The following AIG1 variants were observed in gnomAD, a reference collection of about 807,000 sequenced individuals.
AIG1 encodes androgen induced 1.
A neutral mutation model predicts 31.4 loss-of-function variants in AIG1; 23 were observed. The ratio of observed to expected loss-of-function variants is 0.73; its 90% CI spans 0.53 to 1.04. The LOEUF is 1.04. AIG1 is among the 50% of genes least tolerant of loss of function. The pLI, the probability that AIG1 is intolerant of heterozygous loss-of-function variation, is 0.00. For synonymous variants in AIG1, 100 were observed against 110.5 expected (o/e 0.90, Z 0.60); for missense variants, 274 against 295.0 (o/e 0.93, Z 0.52).
intron 1 of AIG1, among the ~76,000 whole-genome samples, chr6:143,108,559 C>T (rs1046483874): frequency 2.0e-5 from 3 of 152,128 alleles, no homozygotes; most frequent in Non-Finnish European, 4.4e-5. Context: ...GGGATGGGGC[C>T]CAGAATCTGG....
At chr6:143,239,232 C>T (rs1794039872) in intron 3 of AIG1, among the ~76,000 whole-genome samples, 1 of 151,990 alleles carries the variant, frequency 6.6e-6, no homozygotes, top group Non-Finnish European at 1.5e-5. Flanking sequence ...GGTGTGGCCC[C>T]TGAAGGAATA....
At chr6:143,262,242 C>A (rs1300445900) in intron 3 of AIG1, among the ~76,000 whole-genome samples, 1 of 152,126 alleles carries the variant, frequency 6.6e-6, no homozygotes, top group Non-Finnish European at 1.5e-5. Context: ...CTTACATAAT[C>A]CAAGTAGCAT....
chr6:143,291,717 T>A lies in AIG1; in HGVS notation c.515+7492T>A, dbSNP rs1205029132. On this transcript the variant is annotated intron_variant, in intron 4 of 5. Coordinates refer to ENST00000357847, the MANE Select transcript of AIG1 (RefSeq NM_016108.4). This position sits in a 1 kb window ranked among gnomAD's most constrained non-coding sequence, Gnocchi z 4.2. ...ATAAATAAGTAAACCCCCCTCCCAT[T>A]CAGGGTTCCAGCAATAAGCCTGCTG... is the stretch of plus-strand genomic sequence containing the variant. 6.6e-6 allele frequency among the ~76,000 whole-genome samples: 1 copy of A among 152,090 alleles called. No homozygotes were observed. The highest frequency in any genetic ancestry group is 1.9e-4 in the East Asian group (1 of 5,178).
At position 143,275,958 on chromosome 6, in the gene AIG1, A is replaced by G. The variant is rs75217833; in HGVS notation, c.400-8152A>G. On this transcript the variant is annotated intron_variant, in intron 3 of 5. Transcript: ENST00000357847. ...CTCTAGCATCCCAGTCACAAAAAGA[A>G]TTCCTTAATTGGTGGCCCACAGGCT... 5.3e-5 allele frequency among the ~76,000 whole-genome samples: 8 copies of G among 152,356 alleles called. No homozygotes were observed. The East Asian group carries it at 1.3e-3, about 26-fold the overall frequency.
intron 4 of AIG1, among the ~76,000 whole-genome samples, chr6:143,294,749 C>G (rs996788533): frequency 6.6e-6 from 1 of 152,084 alleles, no homozygotes; most frequent in Non-Finnish European, 1.5e-5. Context: ...CTAAAACAAA[C>G]CCCCCCTCTT....
At chr6:143,133,013 A>T (rs1783396993) in intron 1 of AIG1, among the ~76,000 whole-genome samples, 1 of 151,674 alleles carries the variant, frequency 6.6e-6, no homozygotes, top group African/African-American at 2.4e-5. Context: ...CAATTCCAAT[A>T]TTTCTGTTAT....
chr6:143,187,837 C>T (rs911729159), intron 3 of AIG1: 2 of 1,460,202 alleles, frequency 1.4e-6, no homozygotes, highest in Non-Finnish European at 1.8e-6. Context: ...CAAGAAGTGC[C>T]ATTTCTCAAG....
intron 4 of AIG1, among the ~76,000 whole-genome samples, chr6:143,286,218 A>C (rs1203723013): frequency 2.6e-5 from 4 of 152,142 alleles, no homozygotes; most frequent in Non-Finnish European, 5.9e-5. Context: ...TGTGGGTAGA[A>C]TCAGTCCACG....
chr6:143,216,843 G>A (rs1562497937), intron 3 of AIG1, among the ~76,000 whole-genome samples: 1 of 152,152 alleles, frequency 6.6e-6, no homozygotes, highest in Non-Finnish European at 1.5e-5. Flanking sequence ...TCTCAAACAG[G>A]TTGCCTCTCT....
intron 1 of AIG1, among the ~76,000 whole-genome samples, chr6:143,072,564 A>G (rs973719739): frequency 6.6e-6 from 1 of 151,970 alleles, no homozygotes; most frequent in African/African-American, 2.4e-5. Context: ...ATTAAGTATG[A>G]TGTTAGATAT....
At chr6:143,127,541 A>T (rs1782800504) in intron 1 of AIG1, among the ~76,000 whole-genome samples, 1 of 152,234 alleles carries the variant, frequency 6.6e-6, no homozygotes, top group South Asian at 2.1e-4. Flanking sequence ...TAAAATTCAT[A>T]CAAATAATGA....
In AIG1 at chr6:143,242,968, G is replaced by A. The variant is rs148840297; in HGVS notation, c.400-41142G>A. 1.3e-4 allele frequency among the ~76,000 whole-genome samples: 20 copies of A among 152,222 alleles called. No individual in the cohort carries two copies. The East Asian group carries it at 3.5e-3, about 26-fold the overall frequency. ...GTGAAGTGCTGTTACTGAGACTAGCGCCTATCTGATGGCCTATATGAATGA... is the reference window on the plus strand; with the variant it reads ...GTGAAGTGCTGTTACTGAGACTAGCACCTATCTGATGGCCTATATGAATGA... On this transcript the variant is annotated intron_variant, in intron 3 of 5. Transcript: ENST00000357847.
chr6:143,294,076 G>T (rs1368185294), intron 4 of AIG1, among the ~76,000 whole-genome samples: 3 of 152,088 alleles, frequency 2.0e-5, no homozygotes, highest in African/African-American at 4.8e-5. Context: ...TGAGACAATA[G>T]GAAAAGGGCC....
chr6:143,187,487 CAT>C, intron 3 of AIG1: 1 of 1,535,182 alleles, frequency 6.5e-7, no homozygotes. Flanking sequence ...CAATTGAAGA[CAT>C]ATGCACAAAA....
At chr6:143,157,858 T>C (rs190022530) in intron 2 of AIG1, among the ~76,000 whole-genome samples, 215 of 152,284 alleles carry the variant, frequency 1.4e-3, no homozygotes, top group African/African-American at 4.9e-3. Flanking sequence ...CTTTTTAAAA[T>C]CATATTCCTC....
In AIG1 at chr6:143,268,013, G is replaced by A. The variant is rs1368415772; in HGVS notation, c.400-16097G>A. Among the ~76,000 whole-genome samples, 1 of 152,194 alleles carries A rather than the reference G, an allele frequency of 6.6e-6. No individual in the cohort carries two copies. ...AATGTCAGGTTTCTTTGATTTGGCTGAACTCTGTGAGCACAATGTTGTAAT... is the reference window on the plus strand; with the variant it reads ...AATGTCAGGTTTCTTTGATTTGGCTAAACTCTGTGAGCACAATGTTGTAAT... On this transcript the variant is annotated intron_variant, in intron 3 of 5. Coordinates refer to ENST00000357847, the MANE Select transcript of AIG1 (RefSeq NM_016108.4). This position sits in a 1 kb window ranked among gnomAD's most constrained non-coding sequence, Gnocchi z 5.0.
chr6:143,103,739 C>A (rs1011320967), intron 1 of AIG1, among the ~76,000 whole-genome samples: 1 of 151,864 alleles, frequency 6.6e-6, no homozygotes, highest in East Asian at 1.9e-4. Flanking sequence ...GATCTCCTGA[C>A]CTCGTGATCC....
At chr6:143,336,691 CCAA>C (rs1478119273) in intron 5 of AIG1, among the ~76,000 whole-genome samples, 1 of 152,166 alleles carries the variant, frequency 6.6e-6, no homozygotes, top group Non-Finnish European at 1.5e-5. Flanking sequence ...ATATTCCATC[CCAA>C]CAACCCCAAA....
chr6:143,112,600 C>G (rs1781381872), intron 1 of AIG1, among the ~76,000 whole-genome samples: 1 of 152,154 alleles, frequency 6.6e-6, no homozygotes, highest in Non-Finnish European at 1.5e-5. Flanking sequence ...TGCAGTTTGA[C>G]AAGTACCAGA....
Sources: gnomAD v4.1 joint callset for allele counts (sites outside exome capture counted in the v4.1 genomes callset) on GRCh38, gnomAD v4.1.1 for gene constraint, Gnocchi (gnomAD v3.1) non-coding constraint, MANE v1.5 for transcripts, NCBI Gene and HGNC (gene_info 2026-07-23, HGNC 2026-07-21) for gene names.